Variants in GGA3 observed in about 807,000 individuals in gnomAD.
GGA3 encodes the protein golgi associated, gamma adaptin ear containing, ARF binding protein 3.
In GGA3, 57 loss-of-function variants were observed where a neutral mutation model predicts 77.5. The observed-to-expected ratio is 0.74, with a 90% CI of 0.59 to 0.92. The LOEUF (loss-of-function observed/expected upper bound fraction) is 0.92, where lower values mean the gene tolerates loss of function less well. GGA3 is among the 40% of genes least tolerant of loss of function. The pLI, the probability that GGA3 is intolerant of heterozygous loss-of-function variation, is 0.00. For missense variants in GGA3, 970 were observed against 914.9 expected (o/e 1.06, Z -0.78); for synonymous variants, 416 against 383.7 (o/e 1.08, Z -0.98).
In GGA3 at chr17:75,248,114, C is replaced by A. The variant is rs1453856556; in HGVS notation, c.41-1318G>T. Among the ~76,000 whole-genome samples the A allele has an allele frequency of 2.0e-5, 3 of 152,190 alleles. No individual in the cohort carries two copies. The East Asian group carries it at 5.8e-4, about 29-fold the overall frequency. On this transcript the variant is annotated intron_variant, in intron 1 of 16. Transcript: ENST00000537686. ...GGTGTCAGAGCCCCTCCCGACAAGG[C>A]CCTCTCTGTCATTACTTTCTGAATT...
rs1314581420 is a variant in GGA3 at position 75,242,386 on chromosome 17, G to A, written c.697C>T (p.Leu233Phe). The A allele has an allele frequency of 1.9e-6, 3 of 1,614,192 alleles. No individual in the cohort carries two copies. The highest frequency in any genetic ancestry group is 1.7e-6 in the Non-Finnish European group (2 of 1,179,996). Residue 233 changes from leucine to phenylalanine, a missense_variant, in exon 8 of 17, where the codon CTT becomes TTT. Coordinates refer to ENST00000537686, the MANE Select transcript of GGA3 (RefSeq NM_138619.4). ...GAAGAGTCCTCCTGGCTGTAATGAAGCAGCATCTCACTGAGCAGTCTCACG... is the reference window on the plus strand; with the variant it reads ...GAAGAGTCCTCCTGGCTGTAATGAAACAGCATCTCACTGAGCAGTCTCACG... ...NNVRLLSEMLLHYSQEDSSDG... is the reference protein window; with the variant it reads ...NNVRLLSEMLFHYSQEDSSDG...
rs1323771542 is a variant in GGA3 at position 75,238,860 on chromosome 17, T to C, written c.1950+54A>G. 3.8e-6 allele frequency: 6 copies of C among 1,599,968 alleles called. No individual in the cohort carries two copies. The East Asian group carries it at 8.9e-5, about 24-fold the overall frequency. ...CTGCCACCTGCTGGCTGCAAAGGCC[T>C]CTACACAACAGGGTCAAGATAAGGC... On this transcript the variant is annotated intron_variant, in intron 15 of 16. Transcript: ENST00000537686.
chr17:75,238,135 C>T lies in GGA3; in HGVS notation c.*144G>A. The T allele has an allele frequency of 6.9e-7, 1 of 1,439,980 alleles. No individual in the cohort carries two copies. The highest frequency in any genetic ancestry group is 1.5e-5 in the South Asian group (1 of 65,770). 89.2% of individuals were successfully genotyped at this position (1,439,980 alleles called of 1,614,324 possible). A position where few individuals can be genotyped will look rare whatever the true frequency, so the allele number is the denominator to read the frequency against. ...AGGTTATCACAGCAGCAGTTTGGTT[C>T]TCAGCAGAAATGCCCAGGGCCCCTG... On this transcript the variant is annotated 3_prime_UTR_variant, in exon 17 of 17. Transcript: ENST00000537686.
rs777350557 is a variant in GGA3, at chr17:75,243,575, A to G, written c.301-5T>C. ...AGACACCCTGTCCCCCAGGTACTAC[A>G]TGGCAAAAGAAAATGAGGACCTAGT... On this transcript the variant is annotated splice_polypyrimidine_tract_variant and splice_region_variant and intron_variant, in intron 4 of 16. Transcript: ENST00000537686. 38 of 1,613,628 alleles carry G rather than the reference A, an allele frequency of 2.4e-5. No homozygotes were observed. The highest frequency in any genetic ancestry group is 3.3e-5 in the Admixed American group (2 of 59,948).
At chr17:75,253,494 G>A (rs980980921) in intron 1 of GGA3, among the ~76,000 whole-genome samples, 7 of 152,250 alleles carry the variant, frequency 4.6e-5, no homozygotes, top group Admixed American at 3.9e-4. Flanking sequence ...CACCCTTAGC[G>A]GCAAGTCCTG....
intron 1 of GGA3, among the ~76,000 whole-genome samples, chr17:75,253,687 G>A (rs2077047980): frequency 6.6e-6 from 1 of 152,142 alleles, no homozygotes; most frequent in Non-Finnish European, 1.5e-5. Flanking sequence ...CCTCTTATCT[G>A]TGTGCCCCAA....
chr17:75,241,657 A>T lies in GGA3; in HGVS notation c.787T>A (p.Phe263Ile). The T allele has an allele frequency of 6.2e-7, 1 of 1,614,230 alleles. No homozygotes were observed. Among genetic ancestry groups the T allele is most frequent in the Non-Finnish European group, 8.5e-7 (1 of 1,180,024 alleles). The change falls in exon 9 of 17, where the codon TTT becomes ATT. Residue 263 changes from phenylalanine to isoleucine, a missense_variant. Transcript: ENST00000537686. Reference sequence around the variant, plus strand: ...TCCTCAGTCTCACTGGCGAGTTTAAATAAAGTCCGCCTCTTGTTCTCACAC... The same window carrying T: ...TCCTCAGTCTCACTGGCGAGTTTAATTAAAGTCCGCCTCTTGTTCTCACAC... ...DQCENKRRTLFKLASETEDND... is the reference protein window; with the variant it reads ...DQCENKRRTLIKLASETEDND...
intron 10 of GGA3, 53 bp downstream of exon 10, chr17:75,241,347 G>A: frequency 8.7e-7 from 1 of 1,152,756 alleles, no homozygotes; most frequent in Admixed American, 1.7e-5. Flanking sequence ...CTTCATGATA[G>A]GGGCCTGAGG....
At chr17:75,253,753 C>T (rs969773445) in intron 1 of GGA3, among the ~76,000 whole-genome samples, 5 of 151,994 alleles carry the variant, frequency 3.3e-5, no homozygotes, top group African/African-American at 4.8e-5. Context: ...TAAGAACCCT[C>T]GAACCCCTTC....
intron 1 of GGA3, among the ~76,000 whole-genome samples, chr17:75,252,075 T>A (rs1302855799): frequency 6.6e-6 from 1 of 151,528 alleles, no homozygotes; most frequent in African/African-American, 2.4e-5. Flanking sequence ...GTCTTTCGTT[T>A]TTTTTTTTCT....
Position 75,248,828 on chromosome 17 carries a change from A to AG in GGA3, c.41-2033_41-2032insC, listed in dbSNP as rs2076859496. 8 of 978,426 alleles carry AG rather than the reference A, an allele frequency of 8.2e-6. No homozygotes were observed. The Admixed American group carries it at 4.9e-4, about 60-fold the overall frequency. 60.6% of individuals were successfully genotyped at this position (978,426 alleles called of 1,614,324 possible). On this transcript the variant is annotated intron_variant, in intron 1 of 16. Transcript: ENST00000537686. Reference sequence around the variant, plus strand: ...AAAACAAAAAAAACAAAACAAAAAAAAAAAAACTCACCAGCTGGATGAACA... The same window carrying AG: ...AAAACAAAAAAAACAAAACAAAAAAAGAAAAAACTCACCAGCTGGATGAACA...
intron 1 of GGA3, chr17:75,248,992 C>T (rs1344824827): frequency 1.6e-4 from 160 of 985,080 alleles, no homozygotes; most frequent in Non-Finnish European, 1.8e-4. Context: ...GCCTCCCCGG[C>T]AGTGTTTCTG....
chr17:75,251,995 G>A (rs2076981699), intron 1 of GGA3, among the ~76,000 whole-genome samples: 2 of 151,818 alleles, frequency 1.3e-5, no homozygotes, highest in African/African-American at 4.8e-5. Flanking sequence ...TGAACTCCTA[G>A]GCTCAAGCAA....
At chr17:75,246,973 G>A (rs182675865) in intron 1 of GGA3, among the ~76,000 whole-genome samples, 177 bp from the exon 2 acceptor site, 2 of 152,050 alleles carry the variant, frequency 1.3e-5, no homozygotes, top group East Asian at 3.9e-4. Flanking sequence ...TTCAGTCGGA[G>A]AGCAAATACA....
intron 13 of GGA3, 79 bp from the exon 14 acceptor site, chr17:75,239,650 G>A: frequency 6.9e-7 from 1 of 1,448,328 alleles, no homozygotes; most frequent in Non-Finnish European, 9.6e-7. Context: ...CCCTGACCAT[G>A]CTCTTACCCA....
intron 1 of GGA3, among the ~76,000 whole-genome samples, chr17:75,257,992 T>C (rs1174879529): frequency 1.3e-5 from 2 of 152,180 alleles, no homozygotes; most frequent in African/African-American, 2.4e-5. Flanking sequence ...TTGTGATTTG[T>C]TTCTGCCCCA....
chr17:75,261,747 C>T (rs1449268215), upstream of GGA3: 14 of 1,155,164 alleles, frequency 1.2e-5, no homozygotes, highest in Non-Finnish European at 1.7e-5. Context: ...CCTTTTGGCG[C>T]TCCCCTTTGG....
At chr17:75,250,770 A>G (rs2076937043) in intron 1 of GGA3, among the ~76,000 whole-genome samples, 2 of 146,808 alleles carry the variant, frequency 1.4e-5, no homozygotes, top group East Asian at 2.1e-4. Context: ...TCCAAAAAAA[A>G]AAAAAAAAAA....
chr17:75,255,990 C>T (rs937613502), intron 1 of GGA3, among the ~76,000 whole-genome samples: 3 of 152,222 alleles, frequency 2.0e-5, no homozygotes, highest in African/African-American at 7.2e-5. Context: ...TCATCCTCAT[C>T]TGTTACCTAT....
Sources: gnomAD v4.1 joint callset for allele counts (sites outside exome capture counted in the v4.1 genomes callset) on GRCh38, gnomAD v4.1.1 for gene constraint, MANE v1.5 for transcripts, NCBI Gene and HGNC (gene_info 2026-07-23, HGNC 2026-07-21) for gene names.